Variants in MGA observed in about 807,000 individuals in gnomAD.
The protein encoded by MGA is MAX dimerization protein MGA, also known as MAX gene-associated protein.
MGA carries 40 observed loss-of-function variants against 261.1 expected under a neutral mutation model. That is an observed-to-expected ratio of 0.15 (90% CI 0.12 to 0.20). The LOEUF (loss-of-function observed/expected upper bound fraction) is 0.20. MGA is among the 10% of genes least tolerant of loss of function. The probability of loss-of-function intolerance (pLI) is 1.00; values close to 1 mark genes in which losing one functional copy is unlikely to be tolerated. For missense variants in MGA, 3,397 were observed against 3,630.5 expected (o/e 0.94, Z 1.65); for synonymous variants, 1,302 against 1,290.6 (o/e 1.01, Z -0.19).
intron 13 of MGA, among the ~76,000 whole-genome samples, chr15:41,736,985 G>C (rs2061816267): frequency 6.6e-6 from 1 of 152,076 alleles, no homozygotes; most frequent in Non-Finnish European, 1.5e-5. Flanking sequence ...GCAGGCTCTA[G>C]TGATACTTTG....
chr15:41,623,983 C>G (rs1190225847), intron 1 of MGA, among the ~76,000 whole-genome samples: 1 of 151,508 alleles, frequency 6.6e-6, no homozygotes, highest in South Asian at 2.1e-4. Flanking sequence ...CCATGCTGGT[C>G]TGGAATTCCT....
intron 1 of MGA, among the ~76,000 whole-genome samples, chr15:41,663,761 G>A (rs55973132): frequency 0.042 from 6,388 of 152,070 alleles, 181 homozygotes; most frequent in Non-Finnish European, 0.062. Flanking sequence ...GCGAGCCACC[G>A]CTCCCGGCCT....
At chr15:41,759,028 T>A (rs2063302824) in intron 19 of MGA, among the ~76,000 whole-genome samples, 1 of 152,098 alleles carries the variant, frequency 6.6e-6, no homozygotes, top group African/African-American at 2.4e-5. Flanking sequence ...AATGACAAAT[T>A]GGGAGGTGAG....
At position 41,742,789 on chromosome 15, in the gene MGA, C is replaced by T; in HGVS notation, c.4829C>T (p.Thr1610Ile). 2.5e-6 allele frequency: 4 copies of T among 1,613,974 alleles called. No individual in the cohort carries two copies. The highest frequency in any genetic ancestry group is 3.4e-6 in the Non-Finnish European group (4 of 1,179,884). ...CCTCAAGTGTTTTTAGAAAATACTA[C>T]TGCTGTGACACCTATGACTGCTATT... The change falls in exon 15 of 24, where the codon ACT becomes ATT. Residue 1610 changes from threonine (T) to isoleucine (I), a missense_variant. This residue lies in a region of MGA where 1,410 missense variants were observed against 1,386.4 expected (regional missense o/e 1.02). Coordinates refer to ENST00000219905, the MANE Select transcript of MGA (RefSeq NM_001164273.2).
At chr15:41,655,746 C>G (rs1182940437), upstream of MGA, among the ~76,000 whole-genome samples, 1 of 152,026 alleles carries the variant, frequency 6.6e-6, no homozygotes, top group African/African-American at 2.4e-5. Context: ...TATCTATTCC[C>G]CTAAAGATAA....
At chr15:41,673,296 C>T (rs1370334532) in intron 2 of MGA, among the ~76,000 whole-genome samples, 1 of 152,016 alleles carries the variant, frequency 6.6e-6, no homozygotes, top group African/African-American at 2.4e-5. Context: ...TGGCTTGCTG[C>T]AACCTCTGCC....
rs918788847 is a variant in MGA, at chr15:41,698,846, T to G, written c.2014-17T>G. On this transcript the variant is annotated splice_polypyrimidine_tract_variant and intron_variant, in intron 3 of 23. Coordinates refer to ENST00000219905, the MANE Select transcript of MGA (RefSeq NM_001164273.2). ...AAGCAATATGAACTACTATTTTTTT[T>G]TTTTTTTGATGTATAGGAAGCTCTA... 2.0e-5 allele frequency: 30 copies of G among 1,506,572 alleles called. No homozygotes were observed. The highest frequency in any genetic ancestry group is 2.6e-5 in the Non-Finnish European group (29 of 1,130,096). The allele number at this position is 1,506,572 out of a possible 1,614,324, so 93.3% of individuals were successfully genotyped here. A position where few individuals can be genotyped will look rare whatever the true frequency, so the allele number is the denominator to read the frequency against.
Position 41,719,883 on chromosome 15 carries a change from C to T in MGA, c.3430+6387C>T, listed in dbSNP as rs146449151. Among the ~76,000 whole-genome samples the T allele has an allele frequency of 2.2e-4, 34 of 151,952 alleles. 1 individual carries two copies. The highest frequency in any genetic ancestry group is 6.0e-4 in the African/African-American group (25 of 41,410). ...AATATTTATGTAATTTGCTGTATAA[C>T]GGATTAAATGAGATTATGATATTAA... On this transcript the variant is annotated intron_variant, in intron 9 of 23. Transcript: ENST00000219905.
At chr15:41,741,112 G>C (rs1177076655) in intron 14 of MGA, among the ~76,000 whole-genome samples, 1 of 152,096 alleles carries the variant, frequency 6.6e-6, no homozygotes, top group Non-Finnish European at 1.5e-5. Context: ...ACTTTGGGAG[G>C]CCGAGGCGGG....
rs911982648 is a variant in MGA at position 41,756,378 on chromosome 15, A to C, written c.7140-1410A>C. Reference sequence around the variant, plus strand: ...AAAACCACAGTGACTTTACCAATTCACACCCATAAGACTTCAAAAGTGGAG... The same window carrying C: ...AAAACCACAGTGACTTTACCAATTCCCACCCATAAGACTTCAAAAGTGGAG... On this transcript the variant is annotated intron_variant, in intron 18 of 23. Coordinates refer to ENST00000219905, the MANE Select transcript of MGA (RefSeq NM_001164273.2). Among the ~76,000 whole-genome samples, 16 of 152,354 alleles carry C rather than the reference A, an allele frequency of 1.1e-4. 1 individual carries two copies. The highest frequency in any genetic ancestry group is 3.4e-3 in the Middle Eastern group (1 of 294).
intron 5 of MGA, among the ~76,000 whole-genome samples, chr15:41,702,388 G>T (rs866537456): frequency 5.3e-5 from 8 of 151,222 alleles, no homozygotes; most frequent in African/African-American, 9.7e-5. Context: ...CTAAATATTT[G>T]TATTAACTGG....
chr15:41,760,609 A>G, intron 20 of MGA, 80 bp downstream of exon 20: 6 of 1,397,474 alleles, frequency 4.3e-6, no homozygotes, highest in Non-Finnish European at 6.0e-6. Flanking sequence ...ATCCACTGAC[A>G]TATAAGGGAG....
chr15:41,765,066 T>C lies in MGA; in HGVS notation c.7921+4T>C. ...GGTAGTGCTGTGGCTCTACCAGGTA[T>C]GTTGTAAGTGTTGTCCTCTATGGGA... is the stretch of plus-strand genomic sequence containing the variant. On this transcript the variant is annotated splice_donor_region_variant and intron_variant, in intron 23 of 23. Transcript: ENST00000219905. 1 of 1,613,656 alleles carries C rather than the reference T, an allele frequency of 6.2e-7. No homozygotes were observed. Among genetic ancestry groups the C allele is most frequent in the East Asian group, 2.2e-5 (1 of 44,868 alleles).
chr15:41,763,278 T>C (rs919558313), intron 22 of MGA, among the ~76,000 whole-genome samples: 2 of 151,246 alleles, frequency 1.3e-5, no homozygotes, highest in African/African-American at 2.4e-5. Context: ...TTTTTTTGTA[T>C]TTTTAGTAGA....
intron 5 of MGA, among the ~76,000 whole-genome samples, chr15:41,703,349 G>A (rs1031101224): frequency 6.2e-5 from 8 of 129,034 alleles, no homozygotes; most frequent in Non-Finnish European, 9.7e-5. Context: ...GATATTGTCA[G>A]TTTATTCATT....
intron 15 of MGA, among the ~76,000 whole-genome samples, chr15:41,743,526 G>A (rs2151864439): frequency 6.6e-6 from 1 of 152,324 alleles, no homozygotes; most frequent in Admixed American, 6.5e-5. Flanking sequence ...AATGGAAGTG[G>A]TGGCTGAAGG....
In MGA at chr15:41,725,690, C is replaced by A. The variant is rs1175064721; in HGVS notation, c.3431-1490C>A. On this transcript the variant is annotated intron_variant, in intron 9 of 23. Coordinates refer to ENST00000219905, the MANE Select transcript of MGA (RefSeq NM_001164273.2). ...CTCTACTAAAAATACAAAAAATTAG[C>A]CGGGCGTAGTGGCGGGCGCCTGTAG... Among the ~76,000 whole-genome samples the A allele has an allele frequency of 9.6e-5, 4 of 41,792 alleles. 1 individual carries two copies. Among genetic ancestry groups the A allele is most frequent in the African/African-American group, 2.5e-4 (4 of 16,084 alleles). 27.4% of individuals were successfully genotyped at this position (41,792 alleles called of 152,430 possible). A position where few individuals can be genotyped will look rare whatever the true frequency, so the allele number is the denominator to read the frequency against.
intron 1 of MGA, among the ~76,000 whole-genome samples, chr15:41,638,144 G>A (rs1001482995): frequency 1.4e-5 from 2 of 140,088 alleles, no homozygotes; most frequent in African/African-American, 2.7e-5. Context: ...CTGGGTTCAA[G>A]CAATTCTCTT....
chr15:41,692,934 GT>G (rs1303587748), intron 2 of MGA, among the ~76,000 whole-genome samples: 1 of 152,080 alleles, frequency 6.6e-6, no homozygotes, highest in Non-Finnish European at 1.5e-5. Flanking sequence ...CTGACCTCAG[GT>G]AGTCCACCTG....
Sources: gnomAD v4.1 joint callset for allele counts (sites outside exome capture counted in the v4.1 genomes callset) on GRCh38, gnomAD v4.1.1 for gene constraint, gnomAD v4.1.1 regional missense constraint, MANE v1.5 for transcripts, NCBI Gene and HGNC (gene_info 2026-07-23, HGNC 2026-07-21) for gene names.